Variants in IKZF1 observed in about 807,000 individuals in gnomAD.
IKZF1 encodes the protein DNA-binding protein Ikaros.
Under a neutral mutation model 51.7 loss-of-function variants are expected in IKZF1, and 10 were observed. That is an observed-to-expected ratio of 0.19 (90% CI 0.12 to 0.33). The LOEUF (loss-of-function observed/expected upper bound fraction) is 0.33, where lower values mean the gene tolerates loss of function less well. Ranked by LOEUF, IKZF1 falls within the 10% of genes least tolerant of loss-of-function variation. The pLI is 1.00. For synonymous variants in IKZF1, 280 were observed against 282.3 expected (o/e 0.99, Z 0.08); for missense variants, 484 against 707.5 (o/e 0.68, Z 3.58).
chr7:50,380,597 A>T (rs553982673), intron 4 of IKZF1, among the ~76,000 whole-genome samples: 43 of 152,344 alleles, frequency 2.8e-4, no homozygotes, highest in African/African-American at 1.0e-3. Flanking sequence ...TCACATGCTT[A>T]TTGTGAGCAT....
chr7:50,381,708 G>A (rs1811891121), intron 4 of IKZF1, among the ~76,000 whole-genome samples: 2 of 152,180 alleles, frequency 1.3e-5, no homozygotes, highest in South Asian at 4.1e-4. Context: ...AATATAATTT[G>A]TCTTCTATGG....
Position 50,387,959 on chromosome 7 carries a change from G to A in IKZF1, c.715+489G>A, listed in dbSNP as rs1307843395. On this transcript the variant is annotated intron_variant, in intron 6 of 7. Transcript: ENST00000331340. Reference sequence around the variant, plus strand: ...GTATCCACTCCTGCATGGAGTGTGAGGTTGAAGTTTGTTGGAAGCCCCTGG... The same window carrying A: ...GTATCCACTCCTGCATGGAGTGTGAAGTTGAAGTTTGTTGGAAGCCCCTGG... Among the ~76,000 whole-genome samples, 4 of 152,188 alleles carry A rather than the reference G, an allele frequency of 2.6e-5. No homozygotes were observed. The East Asian group carries it at 7.7e-4, about 29-fold the overall frequency.
chr7:50,385,748 A>G (rs1813199756), intron 5 of IKZF1, among the ~76,000 whole-genome samples: 1 of 152,260 alleles, frequency 6.6e-6, no homozygotes, highest in African/African-American at 2.4e-5. Flanking sequence ...AGGAAAGGGT[A>G]TCGAGTGGTT....
intron 2 of IKZF1, among the ~76,000 whole-genome samples, chr7:50,324,256 G>C (rs974009033): frequency 6.6e-6 from 1 of 152,158 alleles, no homozygotes; most frequent in African/African-American, 2.4e-5. Context: ...TGGGTACAGA[G>C]GCTCACGTGA....
chr7:50,375,602 A>G (rs910385044), intron 3 of IKZF1, among the ~76,000 whole-genome samples: 1 of 152,148 alleles, frequency 6.6e-6, no homozygotes, highest in Non-Finnish European at 1.5e-5. Context: ...AGGAAGAAAA[A>G]TATTCAAATG....
intron 3 of IKZF1, among the ~76,000 whole-genome samples, chr7:50,336,547 C>T (rs1379923731): frequency 6.6e-6 from 1 of 152,188 alleles, no homozygotes; most frequent in Non-Finnish European, 1.5e-5. Flanking sequence ...AGATAGCTCG[C>T]CCTTGGGACA....
chr7:50,312,014 A>G (rs1206895193), intron 1 of IKZF1, among the ~76,000 whole-genome samples: 1 of 152,160 alleles, frequency 6.6e-6, no homozygotes, highest in Non-Finnish European at 1.5e-5. Flanking sequence ...TTTTAGAGGC[A>G]GTTTCTGTGT....
intron 6 of IKZF1, among the ~76,000 whole-genome samples, chr7:50,391,294 G>A (rs560935711): frequency 4.6e-5 from 7 of 152,266 alleles, no homozygotes; most frequent in Non-Finnish European, 1.0e-4. Context: ...TTGTATCTCC[G>A]TTCACTGTGC....
chr7:50,397,917 A>G (rs542556164), intron 7 of IKZF1, among the ~76,000 whole-genome samples: 13 of 152,244 alleles, frequency 8.5e-5, no homozygotes, highest in Non-Finnish European at 1.8e-4. Context: ...GATGAAAACG[A>G]ATGGAAACCA....
chr7:50,326,170 T>C (rs546024026), intron 2 of IKZF1, among the ~76,000 whole-genome samples: 1 of 152,388 alleles, frequency 6.6e-6, no homozygotes, highest in South Asian at 2.1e-4. Context: ...TCTGAAATGC[T>C]GGTATTACTC....
At chr7:50,320,387 G>A (rs573053749) in intron 2 of IKZF1, among the ~76,000 whole-genome samples, 2 of 152,254 alleles carry the variant, frequency 1.3e-5, no homozygotes, top group African/African-American at 4.8e-5. Context: ...ATCGGATCAG[G>A]TAAATCAGCA....
intron 2 of IKZF1, among the ~76,000 whole-genome samples, chr7:50,326,727 A>C (rs769531046): frequency 1.3e-5 from 2 of 152,216 alleles, no homozygotes; most frequent in Non-Finnish European, 2.9e-5. Context: ...TGTGTGGATT[A>C]TATTTTATTT....
intron 2 of IKZF1, among the ~76,000 whole-genome samples, chr7:50,325,941 T>C (rs1395541075): frequency 6.6e-6 from 1 of 152,268 alleles, no homozygotes; most frequent in East Asian, 1.9e-4. Flanking sequence ...ATTCATTTTG[T>C]ATTGGCTATC....
At chr7:50,317,266 G>C (rs866101933) in intron 1 of IKZF1, among the ~76,000 whole-genome samples, 3 of 152,172 alleles carry the variant, frequency 2.0e-5, no homozygotes, top group Non-Finnish European at 4.4e-5. Context: ...TTTAAGACCC[G>C]GTGTGTGATA....
At chr7:50,394,465 A>G (rs1055758433) in intron 7 of IKZF1, 2 of 233,130 alleles carry the variant, frequency 8.6e-6, no homozygotes, top group Non-Finnish European at 1.7e-5. Flanking sequence ...AGCTGGCCCA[A>G]TAGTGGTTCA....
At chr7:50,377,898 C>T (rs77698270) in intron 4 of IKZF1, among the ~76,000 whole-genome samples, 10,660 of 152,168 alleles carry the variant, frequency 0.07, 520 homozygotes, top group South Asian at 0.094. Context: ...ATAAAGCTAG[C>T]GTCTCCCACT....
intron 3 of IKZF1, among the ~76,000 whole-genome samples, chr7:50,372,993 A>G (rs1176182787): frequency 1.3e-5 from 2 of 152,252 alleles, no homozygotes; most frequent in African/African-American, 4.8e-5. Context: ...TGGTTCTGTT[A>G]CAGCTCTCAG....
chr7:50,343,283 C>G (rs1423726546), intron 3 of IKZF1, among the ~76,000 whole-genome samples: 1 of 144,046 alleles, frequency 6.9e-6, no homozygotes, highest in African/African-American at 2.5e-5. Context: ...TTCCTCTCTT[C>G]TTTTCTCCAT....
At chr7:50,392,074 G>A (rs1196446523) in intron 7 of IKZF1, among the ~76,000 whole-genome samples, 3 of 152,170 alleles carry the variant, frequency 2.0e-5, no homozygotes, top group African/African-American at 7.2e-5. Context: ...TCCTAGATTT[G>A]ATTTTGCAGC....
Sources: allele counts gnomAD v4.1 joint callset (sites outside exome capture counted in the v4.1 genomes callset), GRCh38; gene constraint gnomAD v4.1.1; transcripts MANE v1.5; gene names NCBI Gene and HGNC (gene_info 2026-07-23, HGNC 2026-07-21).